FAT2: variants seen among roughly 807,000 people sequenced by gnomAD.
FAT2 encodes the protein protocadherin Fat 2.
A neutral mutation model predicts 295.3 loss-of-function variants in FAT2; 150 were observed. That is an observed-to-expected ratio of 0.51 (90% CI 0.44 to 0.58). The LOEUF (loss-of-function observed/expected upper bound fraction) is 0.58, where lower values mean the gene tolerates loss of function less well. Among genes scored for constraint, FAT2 ranks in the 20% least tolerant of loss-of-function variants. FAT2 has a pLI of 0.00. For synonymous variants in FAT2, 2,026 were observed against 2,150.3 expected (o/e 0.94, Z 1.60); for missense variants, 4,868 against 5,442.7 (o/e 0.89, Z 3.32).
intron 1 of FAT2, among the ~76,000 whole-genome samples, chr5:151,581,690 T>C (rs1758961290): frequency 6.6e-6 from 1 of 152,196 alleles, no homozygotes; most frequent in South Asian, 2.1e-4. Context: ...AGAGGTTATT[T>C]AACTCCTGAG....
chr5:151,534,156 AG>A (rs1018230285), intron 13 of FAT2, among the ~76,000 whole-genome samples: 1 of 152,220 alleles, frequency 6.6e-6, no homozygotes, highest in Admixed American at 6.5e-5. Context: ...AAAAGTCCCC[AG>A]GTCTAAGTGG....
In FAT2 at chr5:151,551,602, C is replaced by T. The variant is rs1757218112; in HGVS notation, c.4161G>A (p.Gly1387=). The stretch of plus-strand genomic sequence containing the variant: ...CAATGTCAAAGTCCATGTCCTTATC[C>T]CCACCTAGAGTGGGAGTGGGGAGAA... ...PGLFWFNISG[G]DKDMDFDIEK... is the part of the protein sequence containing the mutation. The change falls in exon 7 of 24, where the codon GGG becomes GGA. Residue 1387 remains glycine, a synonymous_variant. Coordinates refer to ENST00000261800, the MANE Select transcript of FAT2 (RefSeq NM_001447.3). 1 of 1,613,974 alleles carries T rather than the reference C, an allele frequency of 6.2e-7. No individual in the cohort carries two copies. The highest frequency in any genetic ancestry group is 8.5e-7 in the Non-Finnish European group (1 of 1,180,002).
At chr5:151,519,899 T>A (rs965879212) in intron 19 of FAT2, among the ~76,000 whole-genome samples, 1 of 152,186 alleles carries the variant, frequency 6.6e-6, no homozygotes, top group East Asian at 1.9e-4. Flanking sequence ...AATTAAAACC[T>A]CTGGAGGTGA....
At chr5:151,591,800 CT>C (rs964352968), upstream of FAT2, among the ~76,000 whole-genome samples, 15 of 152,116 alleles carry the variant, frequency 9.9e-5, no homozygotes, top group Non-Finnish European at 2.2e-4. Flanking sequence ...CCTCAGTTTC[CT>C]TTTTTGAAAA....
chr5:151,512,088 C>G lies in FAT2; in HGVS notation c.11905+77G>C, dbSNP rs541001360. The G allele has an allele frequency of 1.4e-4, 193 of 1,409,440 alleles. 1 individual carries two copies. The South Asian group carries it at 2.5e-3, about 18-fold the overall frequency. The allele number at this position is 1,409,440 out of a possible 1,614,324, so 87.3% of individuals were successfully genotyped here. ...TTGGAACCAGGAGGCTCTGAGATCT[C>G]CACCCTGACATGCTTTTCCCACCTG... On this transcript the variant is annotated intron_variant, in intron 21 of 23. Transcript: ENST00000261800. This position sits in a 1 kb window ranked among gnomAD's most constrained non-coding sequence, Gnocchi z 4.1.
chr5:151,578,677 A>T (rs1018668526), intron 1 of FAT2, among the ~76,000 whole-genome samples: 7 of 152,246 alleles, frequency 4.6e-5, no homozygotes, highest in Admixed American at 2.0e-4. Context: ...GCCCATCTTT[A>T]CTGCATTATT....
chr5:151,555,765 C>G (rs1033834556), intron 4 of FAT2, among the ~76,000 whole-genome samples: 3 of 152,158 alleles, frequency 2.0e-5, no homozygotes, highest in South Asian at 2.1e-4. Flanking sequence ...TGTATTCCCC[C>G]CTCCTGATAC....
intron 9 of FAT2, 115 bp from the exon 10 acceptor site, chr5:151,546,452 A>G: frequency 1.5e-6 from 1 of 682,642 alleles, no homozygotes; most frequent in Non-Finnish European, 2.5e-6. Context: ...AAATCTGCAT[A>G]TAGTGTATAC....
chr5:151,555,111 A>G (rs141986449), intron 4 of FAT2, among the ~76,000 whole-genome samples: 1 of 152,306 alleles, frequency 6.6e-6, no homozygotes, highest in Non-Finnish European at 1.5e-5. Context: ...GATGCATGCA[A>G]TGAAATCCAG....
chr5:151,529,084 C>T (rs2127588444), intron 15 of FAT2, 94 bp downstream of exon 15: 1 of 1,070,878 alleles, frequency 9.3e-7, no homozygotes, highest in Non-Finnish European at 1.4e-6. Flanking sequence ...ACTTAATAAA[C>T]TAATCCATGC....
At chr5:151,570,762 G>T (rs1451374224) in intron 1 of FAT2, among the ~76,000 whole-genome samples, 1 of 152,198 alleles carries the variant, frequency 6.6e-6, no homozygotes, top group Non-Finnish European at 1.5e-5. Context: ...TTTTCCAGTT[G>T]CCTTGCTCTT....
At chr5:151,519,781 A>C (rs1469707335) in intron 19 of FAT2, among the ~76,000 whole-genome samples, 4 of 152,106 alleles carry the variant, frequency 2.6e-5, no homozygotes, top group Non-Finnish European at 5.9e-5. Flanking sequence ...CCTCTTTTCA[A>C]CTGATTCTGG....
rs751409160 is a variant in FAT2 at position 151,540,755 on chromosome 5, G to C, written c.8851C>G (p.Pro2951Ala). ...TGGCTGATGCCAAACTGGCCCAGGG[G>C]GTCTCCCTCTAAACAGATGGGGCAG... Reference protein sequence around the residue: ...QVTCYITEGDPLGQFGISQVG... With the variant: ...QVTCYITEGDALGQFGISQVG... Residue 2951 changes from proline (P) to alanine (A), a missense_variant, in exon 11 of 24, where the codon CCC becomes GCC. By Grantham distance (27) the Pro-to-Ala change is conservative. Transcript: ENST00000261800. The C allele has an allele frequency of 6.2e-7, 1 of 1,613,552 alleles. No homozygotes were observed. Among genetic ancestry groups the C allele is most frequent in the Non-Finnish European group, 8.5e-7 (1 of 1,179,766 alleles).
In FAT2 at chr5:151,565,657, A is replaced by AACCCCCCC; in HGVS notation, c.3259+15_3259+16insGGGGGGGT. On this transcript the variant is annotated intron_variant, in intron 2 of 23. Coordinates refer to ENST00000261800, the MANE Select transcript of FAT2 (RefSeq NM_001447.3). ...ACCTCTGGCCCTGGCACCCCACCCT[A>AACCCCCCC]CCCCACCCCCAGTACCTGTATCTTG... 2 of 1,038,296 alleles carry AACCCCCCC rather than the reference A, an allele frequency of 1.9e-6. No individual in the cohort carries two copies. Among genetic ancestry groups the AACCCCCCC allele is most frequent in the Non-Finnish European group, 2.7e-6 (2 of 741,730 alleles). The allele number at this position is 1,038,296 out of a possible 1,614,324, so 64.3% of individuals were successfully genotyped here. A position where few individuals can be genotyped will look rare whatever the true frequency, so the allele number is the denominator to read the frequency against.
At position 151,512,645 on chromosome 5, in the gene FAT2, G is replaced by GA. The variant is rs1761410234; in HGVS notation, c.11464-40dup. 6.5e-7 allele frequency: 1 copy of GA among 1,533,702 alleles called. No individual in the cohort carries two copies. The highest frequency in any genetic ancestry group is 8.8e-7 in the Non-Finnish European group (1 of 1,133,842). On this transcript the variant is annotated intron_variant, in intron 20 of 23. Coordinates refer to ENST00000261800, the MANE Select transcript of FAT2 (RefSeq NM_001447.3). This position sits in a 1 kb window ranked among gnomAD's most constrained non-coding sequence, Gnocchi z 4.1. ...CCAAACAGCCATCAGCAAAGCCAAG[G>GA]AGTCCTTGTAAACCTGCTAAGAGGC...
chr5:151,575,216 G>A (rs888696783), intron 1 of FAT2, among the ~76,000 whole-genome samples: 1 of 152,186 alleles, frequency 6.6e-6, no homozygotes, highest in African/African-American at 2.4e-5. Flanking sequence ...GGGACATGAG[G>A]TCCCATTATT....
chr5:151,558,471 T>C (rs1757881406), intron 3 of FAT2, among the ~76,000 whole-genome samples: 1 of 151,970 alleles, frequency 6.6e-6, no homozygotes, highest in African/African-American at 2.4e-5. Flanking sequence ...CAAAAAAAAT[T>C]AGCTGGATGT....
intron 12 of FAT2, among the ~76,000 whole-genome samples, chr5:151,537,350 AAAAAGAAG>A (rs1561842297): frequency 2.6e-4 from 20 of 77,286 alleles, no homozygotes; most frequent in African/African-American, 5.8e-4. Context: ...AAAGAAAAGA[AAAAAGAAG>A]GAAGGAAGGA....
chr5:151,515,525 GATCTCCCCTCCCCAAACC>G (rs1752768610), intron 20 of FAT2, among the ~76,000 whole-genome samples: 1 of 152,112 alleles, frequency 6.6e-6, no homozygotes, highest in Non-Finnish European at 1.5e-5. Flanking sequence ...ACTGCACTCT[GATCTCCCCTCCCCAAACC>G]TTGTATCCAC....
Sources: gnomAD v4.1 joint callset for allele counts (sites outside exome capture counted in the v4.1 genomes callset) on GRCh38, gnomAD v4.1.1 for gene constraint, Gnocchi (gnomAD v3.1) non-coding constraint, MANE v1.5 for transcripts, NCBI Gene and HGNC (gene_info 2026-07-23, HGNC 2026-07-21) for gene names.